The following WWOX variants were observed in gnomAD, a reference collection of about 807,000 sequenced individuals.
WWOX encodes WW domain containing oxidoreductase, also known as WW domain-containing oxidoreductase.
WWOX carries 69 observed loss-of-function variants against 46.2 expected under a neutral mutation model. That is an observed-to-expected ratio of 1.49 (90% CI 1.23 to 1.82). The LOEUF (loss-of-function observed/expected upper bound fraction) is 1.82. Among genes scored for constraint, WWOX ranks in the 40% most tolerant of loss-of-function variants. The probability of loss-of-function intolerance (pLI) is 0.00; values close to 1 mark genes in which losing one functional copy is unlikely to be tolerated. For missense variants in WWOX, 919 were observed against 542.6 expected, an observed-to-expected ratio of 1.69 and a Z score of -6.89; for synonymous variants, 359 against 202.6, an observed-to-expected ratio of 1.77 and a Z score of -6.56.
intron 8 of WWOX, among the ~76,000 whole-genome samples, chr16:78,433,917 G>C (rs1342140524): frequency 6.7e-6 from 1 of 149,240 alleles, no homozygotes; most frequent in Admixed American, 6.8e-5. Context: ...AGCCTCCCAA[G>C]TAGCTGGGAC....
chr16:79,144,739 G>A (rs1323162845), intron 8 of WWOX, among the ~76,000 whole-genome samples: 2 of 151,894 alleles, frequency 1.3e-5, no homozygotes, highest in Admixed American at 1.3e-4. Context: ...TTACAGTTTT[G>A]GTTTCCAAGG....
chr16:78,895,153 C>G (rs1314600362), intron 8 of WWOX, among the ~76,000 whole-genome samples: 1 of 152,190 alleles, frequency 6.6e-6, no homozygotes, highest in East Asian at 1.9e-4. Context: ...CTTTTTCAAA[C>G]CACATTTCAA....
chr16:79,085,476 A>G (rs988800587), intron 8 of WWOX, among the ~76,000 whole-genome samples: 1 of 152,128 alleles, frequency 6.6e-6, no homozygotes, highest in Non-Finnish European at 1.5e-5. Flanking sequence ...GCACAGCCTC[A>G]GGTTTTGGTT....
At chr16:78,722,607 C>G (rs997681406) in intron 8 of WWOX, among the ~76,000 whole-genome samples, 5 of 151,234 alleles carry the variant, frequency 3.3e-5, no homozygotes, top group African/African-American at 1.2e-4. Context: ...ACTATGTGAG[C>G]TTATCCCCTG....
At chr16:78,884,219 G>A in intron 8 of WWOX, among the ~76,000 whole-genome samples, 1 of 145,788 alleles carries the variant, frequency 6.9e-6, no homozygotes, top group East Asian at 2.1e-4. Context: ...GCTACAGTGA[G>A]CTGTGATTAG....
At chr16:79,088,327 C>T (rs1201888975) in intron 8 of WWOX, among the ~76,000 whole-genome samples, 1 of 152,178 alleles carries the variant, frequency 6.6e-6, no homozygotes, top group Non-Finnish European at 1.5e-5. Flanking sequence ...CCAGCACAGC[C>T]ATGCAAAATC....
chr16:78,998,758 C>A (rs540984953), intron 8 of WWOX, among the ~76,000 whole-genome samples: 1 of 152,206 alleles, frequency 6.6e-6, no homozygotes, highest in African/African-American at 2.4e-5. Flanking sequence ...ACAAGCGTTG[C>A]TTCTATTGAA....
chr16:78,166,533 ATTTTCTT>A (rs1410640746), intron 5 of WWOX, among the ~76,000 whole-genome samples: 1 of 150,920 alleles, frequency 6.6e-6, no homozygotes. Flanking sequence ...TTCCCGAGTC[ATTTTCTT>A]TTTTCTTTTT....
intron 8 of WWOX, among the ~76,000 whole-genome samples, chr16:78,749,907 A>C (rs553245325): frequency 6.6e-6 from 1 of 152,160 alleles, no homozygotes; most frequent in Non-Finnish European, 1.5e-5. Context: ...AGGGTCCTCA[A>C]AATAGAAGGT....
chr16:78,894,471 G>A (rs547984483), intron 8 of WWOX, among the ~76,000 whole-genome samples: 1 of 152,196 alleles, frequency 6.6e-6, no homozygotes, highest in Non-Finnish European at 1.5e-5. Context: ...TTTGTAGTCA[G>A]CCTCTCTACT....
rs1172203878 is a variant in WWOX, at chr16:78,578,284, A to ATTTT, written c.1056+145553_1056+145556dup. Among the ~76,000 whole-genome samples, 43 of 20,836 alleles carry ATTTT rather than the reference A, an allele frequency of 2.1e-3. 8 individuals are homozygous for ATTTT. Among genetic ancestry groups the ATTTT allele is most frequent in the African/African-American group, 4.5e-3 (20 of 4,404 alleles). 13.7% of individuals were successfully genotyped at this position (20,836 alleles called of 152,430 possible). On this transcript the variant is annotated intron_variant, in intron 8 of 8. Coordinates refer to ENST00000566780, the MANE Select transcript of WWOX (RefSeq NM_016373.4). ...TATATATATATATATATATATATAT[A>ATTTT]TTTTTTTTTTTTTTTTTTTTTTTTG...
At chr16:78,170,526 C>T (rs916982293) in intron 5 of WWOX, among the ~76,000 whole-genome samples, 1 of 152,210 alleles carries the variant, frequency 6.6e-6, no homozygotes, top group Admixed American at 6.5e-5. Flanking sequence ...AAGAGGAGCT[C>T]TAGGGCAGAT....
chr16:78,317,256 T>A (rs908174081), intron 5 of WWOX, among the ~76,000 whole-genome samples: 1 of 152,180 alleles, frequency 6.6e-6, no homozygotes, highest in African/African-American at 2.4e-5. Context: ...AGTGATACTT[T>A]GGGGTGAATT....
intron 8 of WWOX, chr16:78,756,829 C>T (rs932031195): frequency 1.5e-6 from 1 of 665,242 alleles, no homozygotes; most frequent in African/African-American, 1.8e-5. Context: ...CCTAATACTA[C>T]TGACCTGTAT....
chr16:79,199,089 G>T (rs1457161041), intron 8 of WWOX, among the ~76,000 whole-genome samples: 2 of 152,102 alleles, frequency 1.3e-5, no homozygotes, highest in Non-Finnish European at 2.9e-5. Flanking sequence ...TCAAGATGGA[G>T]TCTCATTCTG....
At chr16:78,924,800 T>G (rs1379368361) in intron 8 of WWOX, among the ~76,000 whole-genome samples, 3 of 152,214 alleles carry the variant, frequency 2.0e-5, no homozygotes, top group Non-Finnish European at 4.4e-5. Context: ...GACATCTCTT[T>G]TAGACTACTA....
chr16:79,212,381 A>C lies in WWOX; in HGVS notation c.*585A>C, dbSNP rs769797988. ...CAGAGGGAGTAGAATACGCAGAACT[A>C]CCAGGTGGCAAAGTACTTGTCATAG... is the stretch of plus-strand genomic sequence containing the variant. On this transcript the variant is annotated 3_prime_UTR_variant, in exon 9 of 9. Coordinates refer to ENST00000566780, the MANE Select transcript of WWOX (RefSeq NM_016373.4). 1.6e-5 allele frequency: 8 copies of C among 494,128 alleles called. No homozygotes were observed. Among genetic ancestry groups the C allele is most frequent in the Non-Finnish European group, 2.5e-5 (7 of 284,636 alleles). The allele number at this position is 494,128 out of a possible 1,614,324, so 30.6% of individuals were successfully genotyped here. A position where few individuals can be genotyped will look rare whatever the true frequency, so the allele number is the denominator to read the frequency against.
rs944847805 is a variant in WWOX, at chr16:78,586,859, C to G, written c.1056+154107C>G. On this transcript the variant is annotated intron_variant, in intron 8 of 8. Coordinates refer to ENST00000566780, the MANE Select transcript of WWOX (RefSeq NM_016373.4). ...CTCAGGTTTGTTTAAGTCCAAAAAT[C>G]ATGCCATTATGACTGTGTACCATGT... is the stretch of plus-strand genomic sequence containing the variant. 4.9e-4 allele frequency among the ~76,000 whole-genome samples: 74 copies of G among 152,130 alleles called. 1 individual carries two copies. The highest frequency in any genetic ancestry group is 1.6e-4 in the Non-Finnish European group (11 of 68,010).
At chr16:79,062,564 G>T (rs1325378592) in intron 8 of WWOX, among the ~76,000 whole-genome samples, 1 of 152,124 alleles carries the variant, frequency 6.6e-6, no homozygotes, top group African/African-American at 2.4e-5. Flanking sequence ...GGAATAATCT[G>T]ATATAAAACA....
Sources: allele counts gnomAD v4.1 joint callset (sites outside exome capture counted in the v4.1 genomes callset), GRCh38; gene constraint gnomAD v4.1.1; transcripts MANE v1.5; gene names NCBI Gene and HGNC (gene_info 2026-07-23, HGNC 2026-07-21).